The following TTN variants were observed in gnomAD, a reference collection of about 807,000 sequenced individuals.
TTN encodes the protein connectin.
Under a neutral mutation model 3,223.0 loss-of-function variants are expected in TTN, and 1,525 were observed. That is an observed-to-expected ratio of 0.47 (90% CI 0.45 to 0.49). The LOEUF (loss-of-function observed/expected upper bound fraction) is 0.49, where lower values mean the gene tolerates loss of function less well. Among genes scored for constraint, TTN ranks in the 20% least tolerant of loss-of-function variants. The probability of loss-of-function intolerance (pLI) is 0.00; values close to 1 mark genes in which losing one functional copy is unlikely to be tolerated. For missense variants in TTN, 40,786 were observed against 43,424.0 expected, an observed-to-expected ratio of 0.94 and a Z score of 5.40; for synonymous variants, 14,094 against 15,161.0, an observed-to-expected ratio of 0.93 and a Z score of 5.17.
chr2:178,615,768 A>G lies in TTN; in HGVS notation c.48333T>C (p.Asp16111=), dbSNP rs2154207023. 1 of 1,611,792 alleles carries G rather than the reference A, an allele frequency of 6.2e-7. No individual in the cohort carries two copies. Among genetic ancestry groups the G allele is most frequent in the Non-Finnish European group, 8.5e-7 (1 of 1,178,654 alleles). ...TWTKVMDFVT[D]LEFTVPDLVQ... is the part of the protein sequence containing the mutation. ...CAAGATCAGGAACTGTGAATTCTAG[A>G]TCAGTCACAAAGTCCATAACCTGGG... The change falls in exon 258 of 363, where the codon GAT becomes GAC. Residue 16111 remains aspartate (D), a synonymous_variant. Coordinates refer to ENST00000589042, the MANE Select transcript of TTN (RefSeq NM_001267550.2).
chr2:178,766,304 A>T, intron 41 of TTN, 77 bp downstream of exon 41: 1 of 1,194,358 alleles, frequency 8.4e-7, no homozygotes, highest in Non-Finnish European at 1.3e-6. Flanking sequence ...CCTTCAAGTT[A>T]CAAGAATTTA....
At position 178,594,203 on chromosome 2, in the gene TTN, G is replaced by A. The variant is rs373527448; in HGVS notation, c.58190C>T (p.Thr19397Met). The A allele has an allele frequency of 4.0e-5, 64 of 1,613,326 alleles. No homozygotes were observed. The Admixed American group carries it at 6.3e-4, about 16-fold the overall frequency. The change falls in exon 297 of 363, where the codon ACG becomes ATG. Residue 19397 changes from threonine (T) to methionine (M), a missense_variant. Thr to Met is a moderately conservative substitution (Grantham distance 81). Coordinates refer to ENST00000589042, the MANE Select transcript of TTN (RefSeq NM_001267550.2). ...GGCAAAAGCTTCACCAACTCGAATC[G>A]TGAGCTTATCTCTGAAGTCGAGGTG... ...TLHLDFRDKL[T>M]IRVGEAFALT...
In TTN at chr2:178,593,462, T is replaced by G. The variant is rs1336124090; in HGVS notation, c.58746A>C (p.Ala19582=). 6.2e-7 allele frequency: 1 copy of G among 1,610,898 alleles called. No homozygotes were observed. Among genetic ancestry groups the G allele is most frequent in the African/African-American group, 1.3e-5 (1 of 74,708 alleles). The change falls in exon 299 of 363, where the codon GCA becomes GCC. Residue 19582 remains alanine (A), a synonymous_variant. Coordinates refer to ENST00000589042, the MANE Select transcript of TTN (RefSeq NM_001267550.2). ...CTTCTGTAACAATTGGCTGATCAGGTGCATCAGGAACCCCTGTAACAAATG... is the reference window on the plus strand; with the variant it reads ...CTTCTGTAACAATTGGCTGATCAGGGGCATCAGGAACCCCTGTAACAAATG... ...KAKDRFRVPD[A]PDQPIVTEVT... is the part of the protein sequence containing the mutation.
intron 295 of TTN, 99 bp from the exon 296 acceptor site, chr2:178,594,745 CA>C: frequency 1.0e-6 from 1 of 991,354 alleles, no homozygotes; most frequent in Non-Finnish European, 1.5e-6. Flanking sequence ...TGCATTTAAA[CA>C]TTAAACTCTC....
At chr2:178,758,029 A>C in intron 44 of TTN, 113 bp from the exon 45 acceptor site, 1 of 1,155,250 alleles carries the variant, frequency 8.7e-7, no homozygotes. Flanking sequence ...AATTCAGTCC[A>C]CTCCTACTGC....
Position 178,704,580 on chromosome 2 carries a change from T to C in TTN, c.29892A>G (p.Gln9964=), listed in dbSNP as rs1391439278. The C allele has an allele frequency of 2.5e-6, 4 of 1,613,438 alleles. No homozygotes were observed. Among genetic ancestry groups the C allele is most frequent in the Non-Finnish European group, 3.4e-6 (4 of 1,179,572 alleles). ...DRHTLRVKNC[Q]LKDQGNYRLV... ...ATCGATAATTGCCCTGGTCTTTAAG[T>C]TGACAGTTTTTGACTCTGAGTGTAT... Residue 9964 remains glutamine (Q), a synonymous_variant, in exon 105 of 363, where the codon CAA becomes CAG. Transcript: ENST00000589042.
chr2:178,600,506 G>C, intron 288 of TTN: 1 of 223,268 alleles, frequency 4.5e-6, no homozygotes, highest in Non-Finnish European at 9.3e-6. Context: ...GAAGATAAAT[G>C]GGTCTCAGCA....
chr2:178,681,008 TG>T, intron 138 of TTN, 70 bp downstream of exon 138: 1 of 1,274,552 alleles, frequency 7.8e-7, no homozygotes, highest in Non-Finnish European at 1.1e-6. Context: ...CAAAATGAAA[TG>T]AATCATAGTT....
At position 178,582,015 on chromosome 2, in the gene TTN, T is replaced by C. The variant is rs2047890677; in HGVS notation, c.66354A>G (p.Thr22118=). The C allele has an allele frequency of 2.5e-6, 4 of 1,613,274 alleles. No individual in the cohort carries two copies. Among genetic ancestry groups the C allele is most frequent in the South Asian group, 1.1e-5 (1 of 91,078 alleles). ...CATATTCGGTACCTTCTTGAAGACC[T>C]GTTGCTTTTAATGTTCTTTCTATAA... The part of the protein sequence containing the change: ...KPIIERTLKA[T]GLQEGTEYEF... The change falls in exon 315 of 363, where the codon ACA becomes ACG. Residue 22118 remains threonine (T), a synonymous_variant. Coordinates refer to ENST00000589042, the MANE Select transcript of TTN (RefSeq NM_001267550.2).
In TTN at chr2:178,730,314, A is replaced by C. The variant is rs770360579; in HGVS notation, c.18086T>G (p.Val6029Gly). 6.2e-7 allele frequency: 1 copy of C among 1,611,344 alleles called. No individual in the cohort carries two copies. The highest frequency in any genetic ancestry group is 2.2e-5 in the East Asian group (1 of 44,610). Reference protein sequence around the residue: ...QSQDVNPNTRVQLKALVGGTA... With the variant: ...QSQDVNPNTRGQLKALVGGTA... ...GCCACCCACAAGAGCCTTTAACTGT[A>C]CCCTTGTGTTGGGATTGACATCTTG... The change falls in exon 62 of 363, where the codon GTA (valine) becomes GGA (glycine). Residue 6029 changes from valine (V) to glycine (G), a missense_variant. Physicochemically the swap from Val to Gly is moderately radical, Grantham distance 109 (BLOSUM62 -3). Transcript: ENST00000589042.
chr2:178,728,319 C>T lies in TTN; in HGVS notation c.19505G>A (p.Cys6502Tyr). The T allele has an allele frequency of 6.2e-7, 1 of 1,612,928 alleles. No homozygotes were observed. Among genetic ancestry groups the T allele is most frequent in the Middle Eastern group, 1.7e-4 (1 of 6,052 alleles). Reference sequence around the variant, plus strand: ...AATGGGAAGTGAACCAGACACCTTGCACTCCATATGAATAGAAGAGCCCAG... The same window carrying T: ...AATGGGAAGTGAACCAGACACCTTGTACTCCATATGAATAGAAGAGCCCAG... ...KVLGSSIHME[C>Y]KVSGSLPISA... Residue 6502 changes from cysteine to tyrosine, a missense_variant, in exon 67 of 363, where the codon TGC becomes TAC. Transcript: ENST00000589042.
chr2:178,679,958 CTCT>C lies in TTN; in HGVS notation c.33513_33515del (p.Glu11172del), dbSNP rs368327166. 152 of 1,613,002 alleles carry C rather than the reference CTCT, an allele frequency of 9.4e-5. 1 individual carries two copies. Among genetic ancestry groups the C allele is most frequent in the Middle Eastern group, 3.3e-4 (2 of 6,054 alleles). ...TGAACTCCTCTTCTTCATGAATGTACTCTTCTTCTTCTTCTACAAGATATTCTT... is the reference window on the plus strand; with the variant it reads ...TGAACTCCTCTTCTTCATGAATGTACTCTTCTTCTTCTACAAGATATTCTT... On this transcript the variant is annotated inframe_deletion, in exon 140 of 363. Coordinates refer to ENST00000589042, the MANE Select transcript of TTN (RefSeq NM_001267550.2).
At position 178,641,114 on chromosome 2, in the gene TTN, A is replaced by G. The variant is rs1434609359; in HGVS notation, c.40633+127T>C. ...AGAAAGCAGACAATGGAAAACAGAG[A>G]CTACATCACAGATGAAATATGAAGC... On this transcript the variant is annotated intron_variant, in intron 220 of 362. Transcript: ENST00000589042. The G allele has an allele frequency of 6.4e-6, 4 of 629,388 alleles. No homozygotes were observed. In the African/African-American group the frequency reaches 7.8e-5, roughly 12 times the overall value. The allele number at this position is 629,388 out of a possible 1,614,324, so 39.0% of individuals were successfully genotyped here. A position where few individuals can be genotyped will look rare whatever the true frequency, so the allele number is the denominator to read the frequency against.
At chr2:178,788,985 C>T (rs1474123032) in intron 13 of TTN, among the ~76,000 whole-genome samples, 3 of 152,096 alleles carry the variant, frequency 2.0e-5, no homozygotes, top group Non-Finnish European at 4.4e-5. Context: ...TCAAAACACA[C>T]ATCTTCTTGA....
Position 178,543,051 on chromosome 2 carries a change from TGG to T in TTN, c.96904+16_96904+17del, listed in dbSNP as rs1575408598. ...TTTTACTTTACTTTTTTTTTTTTTT[TGG>T]CTATTTGGTACATACCTCTGAGGTC... On this transcript the variant is annotated intron_variant, in intron 347 of 362. Transcript: ENST00000589042. The T allele has an allele frequency of 1.3e-6, 2 of 1,501,936 alleles. No individual in the cohort carries two copies. Among genetic ancestry groups the T allele is most frequent in the East Asian group, 2.3e-5 (1 of 44,078 alleles). The allele number at this position is 1,501,936 out of a possible 1,614,324, so 93.0% of individuals were successfully genotyped here.
In TTN at chr2:178,756,487, G is replaced by A. The variant is rs1254851346; in HGVS notation, c.10989C>T (p.Phe3663=). ...TTACAGTGACGTCCTGAAGATGCAGGAAAATCTTGGGCGCCTCACCCGTGG... is the reference window on the plus strand; with the variant it reads ...TTACAGTGACGTCCTGAAGATGCAGAAAAATCTTGGGCGCCTCACCCGTGG... ...KESTGEAPKI[F]LHLQDVTVKC... The change falls in exon 46 of 363, where the codon TTC becomes TTT. Residue 3663 remains phenylalanine (F), a synonymous_variant. Coordinates refer to ENST00000589042, the MANE Select transcript of TTN (RefSeq NM_001267550.2). 3.8e-5 allele frequency: 61 copies of A among 1,613,694 alleles called. No individual in the cohort carries two copies. The East Asian group carries it at 1.3e-3, about 35-fold the overall frequency.
Position 178,720,224 on chromosome 2 carries a change from G to A in TTN, c.23418C>T (p.Thr7806=), listed in dbSNP as rs777212537. The A allele has an allele frequency of 1.2e-6, 2 of 1,613,132 alleles. No homozygotes were observed. Among genetic ancestry groups the A allele is most frequent in the Non-Finnish European group, 1.7e-6 (2 of 1,179,350 alleles). Reference sequence around the variant, plus strand: ...GTAACTCAACAGCATCCCCAATAAGGGTTGAGGTGTCACTTAGCTTTTTCA... The same window carrying A: ...GTAACTCAACAGCATCCCCAATAAGAGTTGAGGTGTCACTTAGCTTTTTCA... ...RFVKKLSDTS[T]LIGDAVELRA... The change falls in exon 81 of 363, where the codon ACC becomes ACT. Residue 7806 remains threonine, a synonymous_variant. Transcript: ENST00000589042.
chr2:178,620,688 A>G (rs1372297605), intron 247 of TTN, 27 bp downstream of exon 247: 1 of 1,605,008 alleles, frequency 6.2e-7, no homozygotes, highest in East Asian at 2.2e-5. Context: ...TGATGAAAAA[A>G]TCTCTAGTGG....
intron 75 of TTN, 53 bp downstream of exon 75, chr2:178,722,993 A>G: frequency 1.3e-6 from 2 of 1,599,934 alleles, no homozygotes; most frequent in Non-Finnish European, 1.7e-6. Flanking sequence ...CAAAGAAACT[A>G]TGCTACATGT....
Sources: allele counts gnomAD v4.1 joint callset (sites outside exome capture counted in the v4.1 genomes callset), GRCh38; gene constraint gnomAD v4.1.1; transcripts MANE v1.5; gene names NCBI Gene and HGNC (gene_info 2026-07-23, HGNC 2026-07-21).